The following CNTNAP5 variants were observed in gnomAD, a reference collection of about 807,000 sequenced individuals.
The protein encoded by CNTNAP5 is contactin-associated protein-like 5.
A neutral mutation model predicts 150.2 loss-of-function variants in CNTNAP5; 72 were observed. The observed-to-expected ratio is 0.48, with a 90% CI of 0.40 to 0.58. CNTNAP5 has a LOEUF of 0.58. CNTNAP5 is among the 20% of genes least tolerant of loss of function. The pLI, the probability that CNTNAP5 is intolerant of heterozygous loss-of-function variation, is 0.00. For missense variants in CNTNAP5, 1,636 were observed against 1,626.2 expected (o/e 1.01, Z -0.10); for synonymous variants, 672 against 619.8 (o/e 1.08, Z -1.25).
chr2:124,275,923 G>A (rs1439506127), intron 3 of CNTNAP5, among the ~76,000 whole-genome samples: 1 of 152,148 alleles, frequency 6.6e-6, no homozygotes, highest in Non-Finnish European at 1.5e-5. Flanking sequence ...GATTCCTCAT[G>A]TGACTTTTAG....
In CNTNAP5 at chr2:124,674,510, T is replaced by C. The variant is rs537513077; in HGVS notation, c.2077+26552T>C. 9.2e-3 allele frequency among the ~76,000 whole-genome samples: 486 copies of C among 52,648 alleles called. 6 individuals are homozygous for C. The highest frequency in any genetic ancestry group is 0.018 in the African/African-American group (394 of 21,672). The allele number at this position is 52,648 out of a possible 152,430, so 34.5% of individuals were successfully genotyped here. On this transcript the variant is annotated intron_variant, in intron 13 of 23. Coordinates refer to ENST00000682447, the MANE Select transcript of CNTNAP5 (RefSeq NM_001367498.1). ...CCTCTCTACTTCCTTTCTTTCTTTC[T>C]CTTTCTTTCTTTCTTTCTTTCTTTC...
At chr2:124,204,757 GC>G (rs1034686774) in intron 1 of CNTNAP5, among the ~76,000 whole-genome samples, 6 of 152,070 alleles carry the variant, frequency 3.9e-5, no homozygotes, top group African/African-American at 1.4e-4. Flanking sequence ...CATGAGAGCA[GC>G]ACAGGAAAAT....
rs1360209273 is a variant in CNTNAP5 at position 124,895,483 on chromosome 2, AG to A, written c.3437-7397del. On this transcript the variant is annotated intron_variant, in intron 21 of 23. Coordinates refer to ENST00000682447, the MANE Select transcript of CNTNAP5 (RefSeq NM_001367498.1). ...CCACAACAAATTTTAAAAAGTAACCAGGTGTGGTGGCATGTGCCTGTAGTCC... is the reference window on the plus strand; with the variant it reads ...CCACAACAAATTTTAAAAAGTAACCAGTGTGGTGGCATGTGCCTGTAGTCC... Among the ~76,000 whole-genome samples the A allele has an allele frequency of 7.3e-5, 11 of 151,556 alleles. No homozygotes were observed. The East Asian group carries it at 2.1e-3, about 29-fold the overall frequency.
intron 8 of CNTNAP5, among the ~76,000 whole-genome samples, chr2:124,518,962 C>T (rs570633890): frequency 7.5e-6 from 1 of 133,660 alleles, no homozygotes; most frequent in Non-Finnish European, 1.5e-5. Context: ...GTACTTTAGC[C>T]TGGGCCGCAA....
At chr2:124,157,161 C>A (rs553768071) in intron 1 of CNTNAP5, among the ~76,000 whole-genome samples, 1 of 135,496 alleles carries the variant, frequency 7.4e-6, no homozygotes, top group African/African-American at 2.5e-5. Context: ...TTCTTGGTAT[C>A]GCAGGATTTG....
chr2:124,648,720 T>A (rs759657583), intron 13 of CNTNAP5, among the ~76,000 whole-genome samples: 1 of 152,184 alleles, frequency 6.6e-6, no homozygotes, highest in Non-Finnish European at 1.5e-5. Context: ...AAATGTAAGA[T>A]AGGGTTCATC....
Position 124,524,354 on chromosome 2 carries a change from G to A in CNTNAP5, c.1379G>A (p.Arg460Lys), listed in dbSNP as rs1662363960. 4.3e-6 allele frequency: 7 copies of A among 1,613,738 alleles called. No homozygotes were observed. Among genetic ancestry groups the A allele is most frequent in the Non-Finnish European group, 5.9e-6 (7 of 1,179,826 alleles). The change falls in exon 9 of 24, where the codon AGG becomes AAG. Residue 460 changes from arginine to lysine, a missense_variant. By Grantham distance (26) the Arg-to-Lys change is conservative. Transcript: ENST00000682447. Reference sequence around the variant, plus strand: ...CACTCGGTTAGCATCAACGCCAGGAGGAACCGCATCACGCTCACTCTGGAT... The same window carrying A: ...CACTCGGTTAGCATCAACGCCAGGAAGAACCGCATCACGCTCACTCTGGAT... Reference protein sequence around the residue: ...LWHSVSINARRNRITLTLDDE... With the variant: ...LWHSVSINARKNRITLTLDDE...
chr2:124,825,414 T>C (rs1558790497), intron 19 of CNTNAP5, among the ~76,000 whole-genome samples: 1 of 152,154 alleles, frequency 6.6e-6, no homozygotes, highest in Non-Finnish European at 1.5e-5. Context: ...TTAAACTGAC[T>C]CTCCCTCAAG....
At chr2:124,668,883 G>C (rs1166465749) in intron 13 of CNTNAP5, among the ~76,000 whole-genome samples, 1 of 152,140 alleles carries the variant, frequency 6.6e-6, no homozygotes, top group Non-Finnish European at 1.5e-5. Flanking sequence ...GGAAGTGCTA[G>C]GGCACTTTTC....
chr2:124,318,497 A>G (rs115244626), intron 3 of CNTNAP5, among the ~76,000 whole-genome samples: 163 of 152,298 alleles, frequency 1.1e-3, no homozygotes, highest in African/African-American at 3.8e-3. Flanking sequence ...AGATAATTAT[A>G]TTACTTTTTG....
intron 13 of CNTNAP5, among the ~76,000 whole-genome samples, chr2:124,699,146 G>A (rs1348270213): frequency 6.6e-6 from 1 of 152,186 alleles, no homozygotes; most frequent in Admixed American, 6.6e-5. Flanking sequence ...GAAGGAAGTT[G>A]ATTTAAGCAG....
chr2:124,747,660 A>AC (rs1214262097), intron 14 of CNTNAP5, among the ~76,000 whole-genome samples: 1 of 115,624 alleles, frequency 8.6e-6, no homozygotes, highest in Non-Finnish European at 1.6e-5. Flanking sequence ...TCACTCTGTC[A>AC]CCAGGCTGGA....
intron 1 of CNTNAP5, among the ~76,000 whole-genome samples, chr2:124,194,149 C>T (rs1290187320): frequency 7.2e-5 from 11 of 151,840 alleles, no homozygotes; most frequent in Non-Finnish European, 1.0e-4. Context: ...TCCCTTCATT[C>T]CAAATCACCT....
At chr2:124,644,686 T>A (rs573644843) in intron 12 of CNTNAP5, among the ~76,000 whole-genome samples, 1 of 152,172 alleles carries the variant, frequency 6.6e-6, no homozygotes, top group Non-Finnish European at 1.5e-5. Context: ...CAGATACAGA[T>A]GATACAGGTG....
chr2:124,274,155 A>G (rs78808582), intron 3 of CNTNAP5, among the ~76,000 whole-genome samples: 2,072 of 152,284 alleles, frequency 0.014, 53 homozygotes, highest in African/African-American at 0.047. Context: ...TTGTTTTTGT[A>G]TTAAGATCTT....
chr2:124,188,062 C>T (rs1685372735), intron 1 of CNTNAP5, among the ~76,000 whole-genome samples: 1 of 152,124 alleles, frequency 6.6e-6, no homozygotes, highest in South Asian at 2.1e-4. Flanking sequence ...CACTAGTTTC[C>T]TGGCATCTGG....
At chr2:124,207,127 C>G (rs1043138726) in intron 1 of CNTNAP5, among the ~76,000 whole-genome samples, 6 of 152,154 alleles carry the variant, frequency 3.9e-5, no homozygotes, top group Admixed American at 6.5e-5. Context: ...ATGTTACAGA[C>G]TTTAAAGAAC....
intron 1 of CNTNAP5, among the ~76,000 whole-genome samples, chr2:124,090,966 C>T (rs1216098140): frequency 6.6e-6 from 1 of 151,938 alleles, no homozygotes; most frequent in Non-Finnish European, 1.5e-5. Flanking sequence ...AAGTGTGTTT[C>T]AAAAGTAAAA....
At chr2:124,671,808 T>A (rs1678828819) in intron 13 of CNTNAP5, among the ~76,000 whole-genome samples, 1 of 152,014 alleles carries the variant, frequency 6.6e-6, no homozygotes, top group South Asian at 2.1e-4. Context: ...CCTGGCTAGT[T>A]TTTGTATTTT....
Sources: gnomAD v4.1 joint callset for allele counts (sites outside exome capture counted in the v4.1 genomes callset) on GRCh38, gnomAD v4.1.1 for gene constraint, MANE v1.5 for transcripts, NCBI Gene and HGNC (gene_info 2026-07-23, HGNC 2026-07-21) for gene names.